DRC9: variants seen among roughly 807,000 people sequenced by gnomAD.
DRC9 encodes dynein regulatory complex protein 9.
chr3:197,948,470 G>C, the DRC9 span, among the ~76,000 whole-genome samples: 1 of 152,194 alleles, frequency 6.6e-6, no homozygotes, highest in Non-Finnish European at 1.5e-5. Context: ...ACATGACAAC[G>C]ATGCTCACAG....
At chr3:197,892,645 G>C in the DRC9 span, 1 of 1,606,836 alleles carries the variant, frequency 6.2e-7, no homozygotes, top group African/African-American at 1.4e-5. Flanking sequence ...GCCAGGTCTT[G>C]AAGGTGTGCT....
At chr3:197,953,450 G>C in the DRC9 span, 1 of 456,712 alleles carries the variant, frequency 2.2e-6, no homozygotes, top group Admixed American at 2.3e-5. Context: ...TTCAGTAAAA[G>C]CCCGTCATTA....
chr3:197,914,512 A>C, the DRC9 span, among the ~76,000 whole-genome samples: 3 of 152,228 alleles, frequency 2.0e-5, no homozygotes, highest in Admixed American at 1.3e-4. Flanking sequence ...AACACGTGTG[A>C]AAACGCTTTC....
the DRC9 span, among the ~76,000 whole-genome samples, chr3:197,902,303 C>G: frequency 6.6e-6 from 1 of 152,050 alleles, no homozygotes; most frequent in African/African-American, 2.4e-5. Context: ...TCGTCAATGC[C>G]CATATACCGA....
the DRC9 span, among the ~76,000 whole-genome samples, chr3:197,927,370 G>C: frequency 6.6e-6 from 1 of 152,152 alleles, no homozygotes; most frequent in African/African-American, 2.4e-5. Context: ...GGGATTACAG[G>C]CATGTGCCAC....
At chr3:197,931,768 G>A in the DRC9 span, among the ~76,000 whole-genome samples, 4 of 151,770 alleles carry the variant, frequency 2.6e-5, no homozygotes, top group African/African-American at 9.7e-5. Flanking sequence ...GGGACTACAG[G>A]CGCCCGCCAC....
At chr3:197,913,751 A>T in the DRC9 span, 9 of 965,868 alleles carry the variant, frequency 9.3e-6, no homozygotes, top group Non-Finnish European at 1.3e-5. Context: ...TTTCAACCTC[A>T]AGTGGAGGGG....
chr3:197,933,762 G>A, the DRC9 span, among the ~76,000 whole-genome samples: 1 of 151,826 alleles, frequency 6.6e-6, no homozygotes, highest in Middle Eastern at 3.4e-3. Flanking sequence ...TTTATTATGT[G>A]TTTGTGTGTT....
the DRC9 span, chr3:197,892,496 C>T: frequency 8.6e-7 from 1 of 1,156,240 alleles, no homozygotes; most frequent in Admixed American, 2.2e-5. Context: ...TTTGCCACTC[C>T]TTCCTCGGTG....
chr3:197,959,963 A>G, the DRC9 span: 2 of 528,898 alleles, frequency 3.8e-6, no homozygotes, highest in Non-Finnish European at 6.7e-6. Flanking sequence ...AAACTGCCTC[A>G]AGACACCCAC....
chr3:197,955,123 A>G, the DRC9 span, among the ~76,000 whole-genome samples: 1 of 152,144 alleles, frequency 6.6e-6, no homozygotes. Context: ...CTTGGGACCA[A>G]GAATATATGC....
the DRC9 span, among the ~76,000 whole-genome samples, chr3:197,929,526 C>T: frequency 1.3e-5 from 2 of 152,174 alleles, no homozygotes; most frequent in Non-Finnish European, 2.9e-5. The surrounding 1 kb of genome is among the most constrained non-coding windows in gnomAD (Gnocchi z 4.6). Flanking sequence ...AAGCCCAACA[C>T]TTTGGGAGGC....
At chr3:197,944,650 G>A in the DRC9 span, among the ~76,000 whole-genome samples, 4 of 151,984 alleles carry the variant, frequency 2.6e-5, no homozygotes, top group African/African-American at 7.2e-5. Flanking sequence ...TGGTTTCACC[G>A]TGTTAGCCAG....
chr3:197,914,820 G>C, the DRC9 span, among the ~76,000 whole-genome samples: 10 of 152,262 alleles, frequency 6.6e-5, no homozygotes, highest in African/African-American at 2.4e-4. Flanking sequence ...ACTCTCTCGG[G>C]AAAGCGATGG....
the DRC9 span, chr3:197,949,903 T>C: frequency 1.3e-5 from 5 of 398,824 alleles, no homozygotes; most frequent in African/African-American, 2.1e-5. Context: ...ACCTACGGCG[T>C]CCGGGGACGC....
At chr3:197,921,604 A>G in the DRC9 span, among the ~76,000 whole-genome samples, 1 of 152,086 alleles carries the variant, frequency 6.6e-6, no homozygotes, top group African/African-American at 2.4e-5. Context: ...TGCGGATTTA[A>G]CCTGGTTTCA....
chr3:197,941,002 C>T, the DRC9 span, among the ~76,000 whole-genome samples: 19 of 8,022 alleles, frequency 2.4e-3, no homozygotes, highest in East Asian at 3.9e-3. Context: ...TGAACACTGT[C>T]GATTAATTTA....
At chr3:197,948,241 G>C in the DRC9 span, among the ~76,000 whole-genome samples, 33 of 152,212 alleles carry the variant, frequency 2.2e-4, no homozygotes, top group Middle Eastern at 3.4e-3. Flanking sequence ...CCCATACTTT[G>C]TTTTAAAAAG....
the DRC9 span, among the ~76,000 whole-genome samples, chr3:197,910,521 A>AT: frequency 1.4e-3 from 213 of 152,230 alleles, no homozygotes; most frequent in African/African-American, 4.9e-3. Flanking sequence ...CCTACCAGGT[A>AT]TTTTTTTCAG....
Sources: gnomAD v4.1 joint callset for allele counts (sites outside exome capture counted in the v4.1 genomes callset) on GRCh38, gnomAD v4.1.1 for gene constraint, Gnocchi (gnomAD v3.1) non-coding constraint, MANE v1.5 for transcripts, NCBI Gene and HGNC (gene_info 2026-07-23, HGNC 2026-07-21) for gene names.